PCDH9: variants seen among roughly 807,000 people sequenced by gnomAD.
PCDH9 encodes protocadherin 9.
Under a neutral mutation model 70.6 loss-of-function variants are expected in PCDH9, and 24 were observed. That is an observed-to-expected ratio of 0.34 (90% CI 0.25 to 0.48). PCDH9 has a LOEUF of 0.48. Among genes scored for constraint, PCDH9 ranks in the 20% least tolerant of loss-of-function variants. The pLI, the probability that PCDH9 is intolerant of heterozygous loss-of-function variation, is 0.99. For missense variants in PCDH9, 1,281 were observed against 1,503.6 expected, an observed-to-expected ratio of 0.85 and a Z score of 2.45; for synonymous variants, 562 against 558.5, an observed-to-expected ratio of 1.01 and a Z score of -0.09.
intron 2 of PCDH9, among the ~76,000 whole-genome samples, chr13:67,081,253 T>C (rs1357414982): frequency 6.6e-6 from 1 of 152,120 alleles, no homozygotes; most frequent in Non-Finnish European, 1.5e-5. Flanking sequence ...TTGCAGTTAT[T>C]TTGGCTTGTT....
chr13:66,668,532 C>T (rs1029995144), intron 3 of PCDH9, among the ~76,000 whole-genome samples: 1 of 152,212 alleles, frequency 6.6e-6, no homozygotes, highest in South Asian at 2.1e-4. Context: ...TGAATTCACT[C>T]GTTCTTCATT....
At chr13:66,380,941 G>T (rs759164748) in intron 4 of PCDH9, among the ~76,000 whole-genome samples, 30 of 152,068 alleles carry the variant, frequency 2.0e-4, no homozygotes, top group Non-Finnish European at 4.1e-4. Flanking sequence ...ATTTAACTCT[G>T]ATTAAGTTGA....
intron 2 of PCDH9, chr13:67,201,562 C>T (rs1401618572): frequency 6.6e-6 from 1 of 151,782 alleles, no homozygotes; most frequent in African/African-American, 2.4e-5. Context: ...ATAAATTATC[C>T]ATATAACATA....
chr13:67,136,489 G>A (rs1361120795), intron 2 of PCDH9, among the ~76,000 whole-genome samples: 1 of 152,120 alleles, frequency 6.6e-6, no homozygotes, highest in African/African-American at 2.4e-5. Context: ...CCTGCAGGTG[G>A]TCCTTTGAGT....
At chr13:66,703,586 T>G (rs1244045084) in intron 3 of PCDH9, among the ~76,000 whole-genome samples, 3 of 152,028 alleles carry the variant, frequency 2.0e-5, no homozygotes, top group Non-Finnish European at 4.4e-5. Context: ...AATGGACAGA[T>G]AGATTAATTG....
At chr13:66,788,644 A>G (rs1389716175) in intron 3 of PCDH9, among the ~76,000 whole-genome samples, 1 of 139,884 alleles carries the variant, frequency 7.1e-6, no homozygotes, top group Non-Finnish European at 1.5e-5. Context: ...AAAGCTAAAC[A>G]GTAATTTTTT....
At chr13:66,677,384 G>A (rs1382449327) in intron 3 of PCDH9, among the ~76,000 whole-genome samples, 8 of 152,078 alleles carry the variant, frequency 5.3e-5, no homozygotes, top group South Asian at 2.1e-4. Context: ...GGTTTAAAAT[G>A]TATATAAAGA....
chr13:66,674,090 C>T (rs2078212368), intron 3 of PCDH9, among the ~76,000 whole-genome samples: 1 of 151,926 alleles, frequency 6.6e-6, no homozygotes, highest in African/African-American at 2.4e-5. Context: ...GGGGAGTTAA[C>T]ATAATTTTTG....
At chr13:66,784,678 C>G (rs752381380) in intron 3 of PCDH9, among the ~76,000 whole-genome samples, 1 of 151,950 alleles carries the variant, frequency 6.6e-6, no homozygotes, top group Non-Finnish European at 1.5e-5. Context: ...AATATAAAAC[C>G]GTTCCATAAG....
chr13:66,366,928 T>C (rs1956563176), intron 4 of PCDH9, among the ~76,000 whole-genome samples: 1 of 152,094 alleles, frequency 6.6e-6, no homozygotes, highest in Non-Finnish European at 1.5e-5. Flanking sequence ...CCTCAAACAT[T>C]ACATGCCCAG....
chr13:66,748,291 T>G (rs917159466), intron 3 of PCDH9, among the ~76,000 whole-genome samples: 2 of 152,378 alleles, frequency 1.3e-5, no homozygotes, highest in Non-Finnish European at 2.9e-5. Flanking sequence ...TTGAGATAAC[T>G]TTAATGAGAT....
At chr13:66,401,436 T>TGTA (rs1435515740) in intron 4 of PCDH9, among the ~76,000 whole-genome samples, 17 of 152,076 alleles carry the variant, frequency 1.1e-4, no homozygotes, top group Admixed American at 5.2e-4. Context: ...CCACCATGAT[T>TGTA]GTAAATTTCC....
intron 3 of PCDH9, among the ~76,000 whole-genome samples, chr13:66,837,191 A>C (rs567356755): frequency 7.2e-5 from 11 of 152,188 alleles, no homozygotes; most frequent in African/African-American, 2.6e-4. Context: ...TATTTTAAAA[A>C]TTTTCTTCCT....
At chr13:66,866,778 CAG>C (rs2081584149) in intron 3 of PCDH9, among the ~76,000 whole-genome samples, 1 of 152,166 alleles carries the variant, frequency 6.6e-6, no homozygotes, top group Non-Finnish European at 1.5e-5. Context: ...GCCTGGGAGA[CAG>C]AGCGAGATTC....
intron 2 of PCDH9, among the ~76,000 whole-genome samples, chr13:67,012,642 T>C (rs1349606828): frequency 6.6e-6 from 1 of 151,968 alleles, no homozygotes; most frequent in Admixed American, 6.6e-5. Flanking sequence ...CGCATTTTTT[T>C]CCATTTCATG....
At chr13:67,029,037 A>T (rs1225896680) in intron 2 of PCDH9, among the ~76,000 whole-genome samples, 1 of 152,190 alleles carries the variant, frequency 6.6e-6, no homozygotes, top group Non-Finnish European at 1.5e-5. Flanking sequence ...ACTTTATTTA[A>T]TCAGTAACTT....
intron 3 of PCDH9, among the ~76,000 whole-genome samples, chr13:66,847,216 C>A (rs188824680): frequency 1.7e-3 from 264 of 152,216 alleles, no homozygotes; most frequent in Non-Finnish European, 3.1e-3. Flanking sequence ...CAAGTTGTTT[C>A]TTTAATAAAA....
chr13:66,864,823 A>G (rs191394803), intron 3 of PCDH9, among the ~76,000 whole-genome samples: 2 of 152,346 alleles, frequency 1.3e-5, no homozygotes, highest in Non-Finnish European at 2.9e-5. Flanking sequence ...TAAAAATGCA[A>G]ATAAACTTGA....
intron 2 of PCDH9, among the ~76,000 whole-genome samples, chr13:67,126,650 A>T (rs1463562063): frequency 6.6e-6 from 1 of 152,128 alleles, no homozygotes; most frequent in East Asian, 1.9e-4. Context: ...GGAGATTGAG[A>T]CCAGCCTAGC....
Sources: allele counts gnomAD v4.1 joint callset (sites outside exome capture counted in the v4.1 genomes callset), GRCh38; gene constraint gnomAD v4.1.1; transcripts MANE v1.5; gene names NCBI Gene and HGNC (gene_info 2026-07-23, HGNC 2026-07-21).